FGD6: variants seen among roughly 807,000 people sequenced by gnomAD.
The protein encoded by FGD6 is FYVE, RhoGEF and PH domain containing 6.
FGD6 carries 90 observed loss-of-function variants against 149.4 expected under a neutral mutation model. That is an observed-to-expected ratio of 0.60 (90% CI 0.51 to 0.72). The LOEUF (loss-of-function observed/expected upper bound fraction) is 0.72, where lower values mean the gene tolerates loss of function less well. Ranked by LOEUF, FGD6 falls within the 30% of genes least tolerant of loss-of-function variation. The pLI, the probability that FGD6 is intolerant of heterozygous loss-of-function variation, is 0.00. For missense variants in FGD6, 1,437 were observed against 1,684.8 expected, an observed-to-expected ratio of 0.85 and a Z score of 2.57; for synonymous variants, 527 against 584.0, an observed-to-expected ratio of 0.90 and a Z score of 1.41.
chr12:95,167,765 G>A (rs1880865191), intron 3 of FGD6, among the ~76,000 whole-genome samples: 1 of 151,756 alleles, frequency 6.6e-6, no homozygotes, highest in African/African-American at 2.4e-5. Context: ...AGTAGAGATG[G>A]GATTTCACCA....
At chr12:95,124,973 A>T (rs538212435) in intron 8 of FGD6, among the ~76,000 whole-genome samples, 2 of 152,220 alleles carry the variant, frequency 1.3e-5, no homozygotes, top group African/African-American at 4.8e-5. Context: ...TGCATGCATT[A>T]ATTACTATGT....
rs570009712 is a variant in FGD6, at chr12:95,160,238, CAGA to C, written c.2587-7248_2587-7246del. ...TGTGAATATGTGAAGAAACATTTCA[CAGA>C]AGAAGATATAAGAATGGGCAATAAG... On this transcript the variant is annotated intron_variant, in intron 3 of 20. Coordinates refer to ENST00000343958, the MANE Select transcript of FGD6 (RefSeq NM_018351.4). Among the ~76,000 whole-genome samples, 17 of 151,652 alleles carry C rather than the reference CAGA, an allele frequency of 1.1e-4. No individual in the cohort carries two copies. The South Asian group carries it at 3.1e-3, about 28-fold the overall frequency.
chr12:95,173,152 C>A (rs1359801337), intron 2 of FGD6, among the ~76,000 whole-genome samples: 1 of 152,000 alleles, frequency 6.6e-6, no homozygotes, highest in African/African-American at 2.4e-5. Flanking sequence ...AAAACAACAA[C>A]AAAAAACAAG....
rs745938267 is a variant in FGD6, at chr12:95,152,801, A to G, written c.2685+10T>C. On this transcript the variant is annotated intron_variant, in intron 5 of 20. Coordinates refer to ENST00000343958, the MANE Select transcript of FGD6 (RefSeq NM_018351.4). ...TCTTAGACTTCAAGAAAATATTAGC[A>G]GATACTTACAATATGCAAAAGTTTT... 3.7e-5 allele frequency: 60 copies of G among 1,610,128 alleles called. No individual in the cohort carries two copies. The South Asian group carries it at 6.3e-4, about 17-fold the overall frequency.
chr12:95,172,046 GTT>G (rs1881009109), intron 3 of FGD6, among the ~76,000 whole-genome samples: 1 of 136,316 alleles, frequency 7.3e-6, no homozygotes, highest in Non-Finnish European at 1.6e-5. Flanking sequence ...GGGGGGGGGG[GTT>G]GTTATCAAAA....
intron 3 of FGD6, among the ~76,000 whole-genome samples, chr12:95,168,741 T>A (rs1373588501): frequency 1.3e-5 from 2 of 152,170 alleles, no homozygotes; most frequent in Non-Finnish European, 2.9e-5. Flanking sequence ...AAACAGTGTA[T>A]AATCACTTAA....
At position 95,077,580 on chromosome 12, in the gene FGD6, G is replaced by T. The variant is rs1010289552; in HGVS notation, c.*3940C>A. 6 of 152,260 alleles carry T rather than the reference G, an allele frequency of 3.9e-5. No individual in the cohort carries two copies. 9.4% of individuals were successfully genotyped at this position (152,260 alleles called of 1,614,324 possible). A position where few individuals can be genotyped will look rare whatever the true frequency, so the allele number is the denominator to read the frequency against. On this transcript the variant is annotated 3_prime_UTR_variant, in exon 21 of 21. Transcript: ENST00000343958. ...GCATGTAAAAGTGGGGATGAAACTA[G>T]ATTAGAGCTATGTTGTTGGAAGACT...
intron 2 of FGD6, among the ~76,000 whole-genome samples, chr12:95,201,341 G>C (rs1205434188): frequency 2.0e-5 from 3 of 151,984 alleles, no homozygotes; most frequent in Non-Finnish European, 4.4e-5. Flanking sequence ...CTTCTTGAAG[G>C]CACCATCATT....
intron 14 of FGD6, among the ~76,000 whole-genome samples, chr12:95,098,256 T>C (rs1375968361): frequency 1.3e-5 from 2 of 152,182 alleles, no homozygotes; most frequent in African/African-American, 4.8e-5. Context: ...TCATAGTATA[T>C]GCTGGAGTCT....
chr12:95,102,808 C>T (rs553478427), intron 14 of FGD6, among the ~76,000 whole-genome samples: 2 of 152,278 alleles, frequency 1.3e-5, no homozygotes, highest in South Asian at 2.1e-4. Flanking sequence ...GTCAGAAACA[C>T]CTAGGTTCAA....
At chr12:95,124,892 C>T (rs911891111) in intron 8 of FGD6, among the ~76,000 whole-genome samples, 4 of 152,188 alleles carry the variant, frequency 2.6e-5, no homozygotes, top group African/African-American at 9.7e-5. Flanking sequence ...GCACTCCTCT[C>T]ACCCCTACTT....
intron 2 of FGD6, among the ~76,000 whole-genome samples, chr12:95,183,802 C>T (rs1881348719): frequency 6.6e-6 from 1 of 152,156 alleles, no homozygotes; most frequent in South Asian, 2.1e-4. Context: ...TGTGCCACTG[C>T]ACTCAGGCTG....
At chr12:95,119,602 T>G (rs1470243656) in intron 8 of FGD6, among the ~76,000 whole-genome samples, 1 of 152,246 alleles carries the variant, frequency 6.6e-6, no homozygotes, top group Non-Finnish European at 1.5e-5. Context: ...CTTTTACTTT[T>G]GTAAGTTAAT....
At chr12:95,082,654 CAAAAAAAAAA>C (rs71075900) in intron 20 of FGD6, among the ~76,000 whole-genome samples, 1 of 67,790 alleles carries the variant, frequency 1.5e-5, no homozygotes, top group Admixed American at 1.8e-4. Flanking sequence ...GAGACTGTCT[CAAAAAAAAAA>C]AAAAAAAAAG....
rs139926506 is a variant in FGD6 at position 95,141,419 on chromosome 12, A to G, written c.2806T>C (p.Leu936=). 1.0e-4 allele frequency: 169 copies of G among 1,614,150 alleles called. 1 individual carries two copies. The African/African-American group carries it at 2.0e-3, about 19-fold the overall frequency. ...PQLYELNRDL[L]KELEERMLHW... is the part of the protein sequence containing the mutation. ...AACATTCTTTCCTCCAGTTCCTTCA[A>G]GAGATCCCGGTTGAGCTCATACAGC... is the stretch of plus-strand genomic sequence containing the variant. The change falls in exon 6 of 21, where the codon TTG becomes CTG. Residue 936 remains leucine (L), a synonymous_variant. Coordinates refer to ENST00000343958, the MANE Select transcript of FGD6 (RefSeq NM_018351.4).
chr12:95,095,449 T>A (rs1878202635), intron 14 of FGD6, among the ~76,000 whole-genome samples: 1 of 152,064 alleles, frequency 6.6e-6, no homozygotes, highest in African/African-American at 2.4e-5. Context: ...GGTATCAGCA[T>A]ACTTATGAAA....
intron 2 of FGD6, among the ~76,000 whole-genome samples, chr12:95,185,517 T>C (rs1212575602): frequency 2.0e-5 from 3 of 152,168 alleles, no homozygotes; most frequent in Admixed American, 2.0e-4. Flanking sequence ...CTCATGGCTG[T>C]GTGTAACTGG....
intron 1 of FGD6, among the ~76,000 whole-genome samples, chr12:95,213,941 C>T (rs1309402722): frequency 6.6e-6 from 1 of 152,208 alleles, no homozygotes; most frequent in Non-Finnish European, 1.5e-5. Flanking sequence ...TAATTGTGGG[C>T]CTTGTACAGA....
In FGD6 at chr12:95,104,971, GAAAAA is replaced by G. The variant is rs11331948; in HGVS notation, c.3497+31_3497+35del. 902 of 1,349,632 alleles carry G rather than the reference GAAAAA, an allele frequency of 6.7e-4. 4 individuals are homozygous for G. In the African/African-American group the frequency reaches 0.011, roughly 16 times the overall value. The allele number at this position is 1,349,632 out of a possible 1,614,324, so 83.6% of individuals were successfully genotyped here. A position where few individuals can be genotyped will look rare whatever the true frequency, so the allele number is the denominator to read the frequency against. Reference sequence around the variant, plus strand: ...TCCCTAGCAAGCAGACTCAGAATGAGAAAAAAAAAAAAAAAAAGAAGAAGAAAAAA... The same window carrying G: ...TCCCTAGCAAGCAGACTCAGAATGAGAAAAAAAAAAAAGAAGAAGAAAAAA... On this transcript the variant is annotated intron_variant, in intron 14 of 20. Transcript: ENST00000343958.
Sources: allele counts gnomAD v4.1 joint callset (sites outside exome capture counted in the v4.1 genomes callset), GRCh38; gene constraint gnomAD v4.1.1; transcripts MANE v1.5; gene names NCBI Gene and HGNC (gene_info 2026-07-23, HGNC 2026-07-21).